The following EEFSEC variants were observed in gnomAD, a reference collection of about 807,000 sequenced individuals.
EEFSEC encodes the protein selenocysteine-specific elongation factor.
A neutral mutation model predicts 42.1 loss-of-function variants in EEFSEC; 43 were observed. The observed-to-expected ratio is 1.02, with a 90% CI of 0.80 to 1.32. The LOEUF is 1.32. Among genes scored for constraint, EEFSEC ranks in the 40% most tolerant of loss-of-function variants. The probability of loss-of-function intolerance (pLI) is 0.00; values close to 1 mark genes in which losing one functional copy is unlikely to be tolerated. For synonymous variants in EEFSEC, 354 were observed against 339.1 expected, an observed-to-expected ratio of 1.04 and a Z score of -0.48; for missense variants, 745 against 803.6, an observed-to-expected ratio of 0.93 and a Z score of 0.88.
At chr3:128,413,444 T>C (rs1559965567), downstream of EEFSEC, among the ~76,000 whole-genome samples, 1 of 152,076 alleles carries the variant, frequency 6.6e-6, no homozygotes, top group Non-Finnish European at 1.5e-5. Flanking sequence ...GCATGGACCC[T>C]AGATCACTAC....
chr3:128,353,989 C>A (rs1309142746), intron 5 of EEFSEC, among the ~76,000 whole-genome samples: 1 of 152,104 alleles, frequency 6.6e-6, no homozygotes, highest in Non-Finnish European at 1.5e-5. Context: ...TACCTGCTGA[C>A]TTCTCTCTGC....
intron 6 of EEFSEC, among the ~76,000 whole-genome samples, chr3:128,382,883 C>T (rs576069953): frequency 4.6e-5 from 7 of 152,318 alleles, no homozygotes; most frequent in African/African-American, 9.6e-5. Flanking sequence ...CTGACCCTGG[C>T]GGGAAATTCA....
chr3:128,255,760 A>T (rs1431794822), intron 2 of EEFSEC, among the ~76,000 whole-genome samples: 1 of 151,996 alleles, frequency 6.6e-6, no homozygotes, highest in Non-Finnish European at 1.5e-5. Context: ...GTGTCAAGCA[A>T]GAGGGCTTTT....
chr3:128,182,886 GGGGGT>G (rs2065425177), intron 1 of EEFSEC, among the ~76,000 whole-genome samples: 1 of 149,598 alleles, frequency 6.7e-6, no homozygotes, highest in Non-Finnish European at 1.5e-5. Context: ...ATCGGGGCGG[GGGGGT>G]GGGGTGGTTG....
chr3:128,359,342 G>A (rs1353139054), intron 6 of EEFSEC, among the ~76,000 whole-genome samples: 4 of 152,178 alleles, frequency 2.6e-5, no homozygotes, highest in African/African-American at 4.8e-5. Context: ...TGGGGACCGT[G>A]GGAAGGACTA....
rs76568530 is a variant in EEFSEC at position 128,284,909 on chromosome 3, C to T, written c.786+20128C>T. Among the ~76,000 whole-genome samples the T allele has an allele frequency of 0.023, 3,453 of 150,724 alleles. 400 individuals carry two copies. The East Asian group carries it at 0.36, about 16-fold the overall frequency. ...TAAGCGTTTAACCAGCATGCTTTAACGTTTTTTTTTTTTTAATGCAATATG... is the reference window on the plus strand; with the variant it reads ...TAAGCGTTTAACCAGCATGCTTTAATGTTTTTTTTTTTTTAATGCAATATG... On this transcript the variant is annotated intron_variant, in intron 4 of 6. Coordinates refer to ENST00000254730, the MANE Select transcript of EEFSEC (RefSeq NM_021937.5).
intron 6 of EEFSEC, among the ~76,000 whole-genome samples, chr3:128,360,265 C>A (rs1459175365): frequency 6.6e-6 from 1 of 152,250 alleles, no homozygotes; most frequent in Admixed American, 6.5e-5. Flanking sequence ...GCCCACAGGG[C>A]CCCTCTCTGG....
intron 4 of EEFSEC, among the ~76,000 whole-genome samples, chr3:128,273,067 G>A (rs543483240): frequency 2.0e-5 from 3 of 152,306 alleles, no homozygotes; most frequent in South Asian, 2.1e-4. Flanking sequence ...AGGGCTTGAC[G>A]TAAGCCTCAC....
chr3:128,246,295 A>C (rs376471517), intron 1 of EEFSEC, among the ~76,000 whole-genome samples: 1 of 152,150 alleles, frequency 6.6e-6, no homozygotes, highest in South Asian at 2.1e-4. Flanking sequence ...ACAGAACCTT[A>C]GATGCTCCTA....
chr3:128,295,773 T>C (rs770534054), intron 4 of EEFSEC, among the ~76,000 whole-genome samples: 18 of 152,034 alleles, frequency 1.2e-4, no homozygotes, highest in Non-Finnish European at 1.8e-4. Context: ...GACCCTGCTC[T>C]CCTCATTTAT....
chr3:128,231,051 C>T (rs932961360), intron 1 of EEFSEC, among the ~76,000 whole-genome samples: 1 of 152,012 alleles, frequency 6.6e-6, no homozygotes, highest in Non-Finnish European at 1.5e-5. Flanking sequence ...ACTGCACTGT[C>T]CCCCTACTCC....
chr3:128,365,626 A>T (rs1382325396), intron 6 of EEFSEC, among the ~76,000 whole-genome samples: 1 of 151,906 alleles, frequency 6.6e-6, no homozygotes, highest in East Asian at 1.9e-4. Context: ...TCACATGTCC[A>T]CTGAGGGCCT....
At chr3:128,270,610 G>A (rs2066403635) in intron 4 of EEFSEC, among the ~76,000 whole-genome samples, 1 of 152,200 alleles carries the variant, frequency 6.6e-6, no homozygotes, top group Non-Finnish European at 1.5e-5. Flanking sequence ...TCTGCTCTTT[G>A]AAGCTAATCA....
chr3:128,383,445 C>T (rs1222421683), intron 6 of EEFSEC, among the ~76,000 whole-genome samples: 1 of 152,240 alleles, frequency 6.6e-6, no homozygotes, highest in African/African-American at 2.4e-5. Flanking sequence ...TATATGAACT[C>T]ACTTGGGCCT....
chr3:128,423,082 A>T, the EEFSEC span, among the ~76,000 whole-genome samples: 1 of 152,244 alleles, frequency 6.6e-6, no homozygotes, highest in South Asian at 2.1e-4. Flanking sequence ...AATGAAATTA[A>T]TATTAGGACC....
chr3:128,310,464 T>C (rs2066877583), intron 4 of EEFSEC, among the ~76,000 whole-genome samples: 1 of 152,206 alleles, frequency 6.6e-6, no homozygotes, highest in Non-Finnish European at 1.5e-5. Context: ...GATTGCCTCT[T>C]AGCAACCTCG....
At chr3:128,422,583 AG>A in the EEFSEC span, among the ~76,000 whole-genome samples, 4 of 152,322 alleles carry the variant, frequency 2.6e-5, no homozygotes, top group African/African-American at 9.6e-5. Flanking sequence ...TCGGGCCTTG[AG>A]GCCCCCCGGC....
At chr3:128,250,274 C>T (rs940198181) in intron 2 of EEFSEC, among the ~76,000 whole-genome samples, 1 of 152,024 alleles carries the variant, frequency 6.6e-6, no homozygotes, top group African/African-American at 2.4e-5. Flanking sequence ...TCTAGTTTAT[C>T]ATTTTTTTTA....
chr3:128,294,668 C>G (rs1197363534), intron 4 of EEFSEC, among the ~76,000 whole-genome samples: 2 of 152,080 alleles, frequency 1.3e-5, no homozygotes, highest in Non-Finnish European at 2.9e-5. Context: ...AAGGGAGGGT[C>G]TGGTTGGCTT....
Sources: gnomAD v4.1 joint callset for allele counts (sites outside exome capture counted in the v4.1 genomes callset) on GRCh38, gnomAD v4.1.1 for gene constraint, MANE v1.5 for transcripts, NCBI Gene and HGNC (gene_info 2026-07-23, HGNC 2026-07-21) for gene names.